Variants in HDAC4 observed in about 807,000 individuals in gnomAD.
HDAC4 encodes histone deacetylase A.
In HDAC4, 16 loss-of-function variants were observed where a neutral mutation model predicts 135.1. The ratio of observed to expected loss-of-function variants is 0.12; its 90% CI spans 0.08 to 0.18. HDAC4 has a LOEUF of 0.18. Among genes scored for constraint, HDAC4 ranks in the 10% least tolerant of loss-of-function variants. HDAC4 has a pLI of 1.00. For missense variants in HDAC4, 1,143 were observed against 1,511.8 expected (o/e 0.76, Z 4.05); for synonymous variants, 685 against 653.4 (o/e 1.05, Z -0.74).
At chr2:239,319,591 A>G (rs958862242) in intron 2 of HDAC4, among the ~76,000 whole-genome samples, 1 of 152,236 alleles carries the variant, frequency 6.6e-6, no homozygotes, top group East Asian at 1.9e-4. Flanking sequence ...CCAGGCAGGA[A>G]CCTGGCAAAG....
intron 2 of HDAC4, among the ~76,000 whole-genome samples, chr2:239,342,860 AAC>A (rs35962140): frequency 0.58 from 87,604 of 151,836 alleles, 25,501 homozygotes; most frequent in South Asian, 0.63. Flanking sequence ...CTTGGAGGGA[AAC>A]AGCCGCCTAC....
chr2:239,390,101 C>T (rs891080408), intron 1 of HDAC4, among the ~76,000 whole-genome samples: 1 of 152,304 alleles, frequency 6.6e-6, no homozygotes, highest in East Asian at 1.9e-4. Context: ...TGTGGAGGAG[C>T]TGGATCAAAC....
At chr2:239,252,954 C>T (rs879416577) in intron 2 of HDAC4, among the ~76,000 whole-genome samples, 2 of 152,250 alleles carry the variant, frequency 1.3e-5, no homozygotes, top group African/African-American at 2.4e-5. Context: ...GGTTTTGCAA[C>T]GGAGAGCCCG....
At chr2:239,389,483 T>C (rs951247286) in intron 1 of HDAC4, among the ~76,000 whole-genome samples, 16 of 152,166 alleles carry the variant, frequency 1.1e-4, no homozygotes, top group Middle Eastern at 3.4e-3. Flanking sequence ...TTAAGAGCTA[T>C]AACACTCACC....
intron 9 of HDAC4, among the ~76,000 whole-genome samples, chr2:239,135,645 C>A (rs1358205901): frequency 6.6e-6 from 1 of 152,182 alleles, no homozygotes; most frequent in Non-Finnish European, 1.5e-5. Flanking sequence ...GATGCTGGAG[C>A]TCCACTCTTG....
chr2:239,144,085 C>T (rs1218079818), intron 8 of HDAC4, among the ~76,000 whole-genome samples: 3 of 152,138 alleles, frequency 2.0e-5, no homozygotes, highest in African/African-American at 4.8e-5. Context: ...AACCGTGACA[C>T]GTCACTAGGG....
At chr2:239,247,766 G>A (rs11886387) in intron 2 of HDAC4, among the ~76,000 whole-genome samples, 6 of 152,274 alleles carry the variant, frequency 3.9e-5, no homozygotes, top group East Asian at 1.9e-4. Context: ...GGCCATTTGC[G>A]GAAAGTCTAG....
At chr2:239,286,141 T>C (rs1242097725) in intron 2 of HDAC4, among the ~76,000 whole-genome samples, 1 of 152,224 alleles carries the variant, frequency 6.6e-6, no homozygotes, top group African/African-American at 2.4e-5. Context: ...CATGTATGTT[T>C]TGATTAAATA....
chr2:239,152,098 T>C (rs946331584), intron 7 of HDAC4, among the ~76,000 whole-genome samples: 1 of 152,254 alleles, frequency 6.6e-6, no homozygotes, highest in East Asian at 1.9e-4. Flanking sequence ...AAGATCACGA[T>C]GAAGATGTTA....
At chr2:239,282,354 T>C (rs1369110680) in intron 2 of HDAC4, among the ~76,000 whole-genome samples, 3 of 143,128 alleles carry the variant, frequency 2.1e-5, no homozygotes, top group Admixed American at 1.4e-4. Flanking sequence ...CCACACAATG[T>C]ACACACCACT....
intron 2 of HDAC4, among the ~76,000 whole-genome samples, chr2:239,350,559 A>G (rs1163914259): frequency 6.6e-6 from 1 of 152,120 alleles, no homozygotes; most frequent in Non-Finnish European, 1.5e-5. Context: ...GCTGAAGTAC[A>G]GTGGCGCAAT....
Position 239,052,884 on chromosome 2 carries a change from C to T in HDAC4, c.*213G>A, listed in dbSNP as rs773477833. ...GCGTCGCCGGCGTCTGTCCCGTGTT[C>T]CCTGTGAGGCTGCCACGCCCAGGCG... On this transcript the variant is annotated 3_prime_UTR_variant, in exon 27 of 27. Transcript: ENST00000543185. 45 of 618,812 alleles carry T rather than the reference C, an allele frequency of 7.3e-5. No individual in the cohort carries two copies. The highest frequency in any genetic ancestry group is 1.1e-4 in the African/African-American group (6 of 54,512). 38.3% of individuals were successfully genotyped at this position (618,812 alleles called of 1,614,324 possible). A position where few individuals can be genotyped will look rare whatever the true frequency, so the allele number is the denominator to read the frequency against.
At chr2:239,138,541 C>T (rs1050894719) in intron 9 of HDAC4, among the ~76,000 whole-genome samples, 7 of 152,206 alleles carry the variant, frequency 4.6e-5, no homozygotes, top group Non-Finnish European at 1.0e-4. Context: ...TAGAACTCTG[C>T]CCCATGAAGC....
chr2:239,232,425 A>G (rs1480220972), intron 3 of HDAC4, among the ~76,000 whole-genome samples: 2 of 152,162 alleles, frequency 1.3e-5, no homozygotes, highest in African/African-American at 2.4e-5. Flanking sequence ...TGCTCACTCC[A>G]TGGGAAAACA....
chr2:239,279,337 C>T (rs997212950), intron 2 of HDAC4, among the ~76,000 whole-genome samples: 31 of 152,236 alleles, frequency 2.0e-4, no homozygotes, highest in African/African-American at 7.5e-4. Flanking sequence ...CAAACTGGCA[C>T]CAGGCACTAA....
intron 1 of HDAC4, among the ~76,000 whole-genome samples, chr2:239,397,652 C>T (rs1696657462): frequency 6.6e-6 from 1 of 152,264 alleles, no homozygotes; most frequent in South Asian, 2.1e-4. Context: ...GGCACCATGG[C>T]CCTCATGCCA....
At chr2:239,327,464 C>T (rs183524198) in intron 2 of HDAC4, among the ~76,000 whole-genome samples, 38 of 152,364 alleles carry the variant, frequency 2.5e-4, no homozygotes, top group African/African-American at 7.2e-4. Context: ...AGCTACAATA[C>T]GGAAGTCTTT....
At chr2:239,380,574 A>C (rs1177458746) in intron 1 of HDAC4, among the ~76,000 whole-genome samples, 1 of 152,190 alleles carries the variant, frequency 6.6e-6, no homozygotes, top group East Asian at 1.9e-4. Context: ...GTGTATGTTA[A>C]TAGCTTCAGT....
chr2:239,114,892 C>T (rs2038992968), intron 13 of HDAC4, among the ~76,000 whole-genome samples, 161 bp downstream of exon 13: 1 of 152,200 alleles, frequency 6.6e-6, no homozygotes, highest in South Asian at 2.1e-4. Context: ...ATGGAAGCCA[C>T]ATCAACCTCC....
Sources: gnomAD v4.1 joint callset for allele counts (sites outside exome capture counted in the v4.1 genomes callset) on GRCh38, gnomAD v4.1.1 for gene constraint, MANE v1.5 for transcripts, NCBI Gene and HGNC (gene_info 2026-07-23, HGNC 2026-07-21) for gene names.